Variants in ASB2 observed in about 807,000 individuals in gnomAD.
The protein encoded by ASB2 is ankyrin repeat and SOCS box containing 2.
In ASB2, 58 loss-of-function variants were observed where a neutral mutation model predicts 62.4. The observed-to-expected ratio is 0.93, with a 90% confidence interval of 0.75 to 1.16. The LOEUF is 1.16. ASB2 is among the 50% of genes most tolerant of loss of function. The pLI is 0.00. For synonymous variants in ASB2, 386 were observed against 385.3 expected, an observed-to-expected ratio of 1.00 and a Z score of -0.02; for missense variants, 928 against 887.9, an observed-to-expected ratio of 1.05 and a Z score of -0.57.
intron 1 of ASB2, among the ~76,000 whole-genome samples, chr14:93,968,005 G>A (rs991056893): frequency 3.9e-5 from 6 of 152,218 alleles, no homozygotes; most frequent in Non-Finnish European, 5.9e-5. Context: ...TAGGCAGCTT[G>A]TAAGGGGTAA....
At chr14:93,937,587 TG>T in intron 9 of ASB2, 110 bp downstream of exon 9, 1 of 1,126,442 alleles carries the variant, frequency 8.9e-7, no homozygotes, top group Non-Finnish European at 1.2e-6. Flanking sequence ...TTACAGAGCC[TG>T]GCAAGCAGCA....
rs750952101 is a variant in ASB2 at position 93,953,420 on chromosome 14, A to G, written c.566T>C (p.Leu189Pro). 9.3e-6 allele frequency: 15 copies of G among 1,608,832 alleles called. No individual in the cohort carries two copies. The Admixed American group carries it at 1.0e-4, about 11-fold the overall frequency. ...CTCTGCCCCTGCTTGGAGCAGTGAC[A>G]GGAGACAGTCCAGGTGGCCCCTGCA... ...ATCRGHLDCLLSLLQAGAEPD... is the reference protein window; with the variant it reads ...ATCRGHLDCLPSLLQAGAEPD... Residue 189 changes from leucine (L) to proline (P), a missense_variant, in exon 5 of 10, where the codon CTG becomes CCG. Leu to Pro is a moderately conservative substitution (Grantham distance 98, BLOSUM62 -3). Coordinates refer to ENST00000555019, the MANE Select transcript of ASB2 (RefSeq NM_001202429.2).
chr14:93,967,030 G>T (rs1330338108), intron 1 of ASB2, among the ~76,000 whole-genome samples: 3 of 152,208 alleles, frequency 2.0e-5, no homozygotes, highest in Non-Finnish European at 4.4e-5. Context: ...TGTGAAAGGA[G>T]CCCAGGACAG....
chr14:93,959,869 T>C (rs994785211), intron 2 of ASB2, among the ~76,000 whole-genome samples: 3 of 151,984 alleles, frequency 2.0e-5, no homozygotes, highest in Non-Finnish European at 4.4e-5. Flanking sequence ...CCTGGCTGAA[T>C]GCAGGGGGCA....
At chr14:93,960,218 G>A (rs1285849872) in intron 2 of ASB2, among the ~76,000 whole-genome samples, 4 of 152,218 alleles carry the variant, frequency 2.6e-5, no homozygotes. Flanking sequence ...ATCCTGCAAA[G>A]CCTACTTCCT....
intron 9 of ASB2, among the ~76,000 whole-genome samples, chr14:93,936,162 T>C (rs1437376508): frequency 6.6e-6 from 1 of 152,164 alleles, no homozygotes; most frequent in African/African-American, 2.4e-5. Flanking sequence ...GGCCAATCCA[T>C]GGGCTCTGGG....
Position 93,939,565 on chromosome 14 carries a change from G to GCC in ASB2, c.1158_1159dup (p.Ala387GlyfsTer4). 1 of 1,591,688 alleles carries GCC rather than the reference G, an allele frequency of 6.3e-7. No homozygotes were observed. The highest frequency in any genetic ancestry group is 8.5e-7 in the Non-Finnish European group (1 of 1,172,138). On this transcript the variant is annotated frameshift_variant, in exon 8 of 10. Transcript: ENST00000555019. LOFTEE classifies it high-confidence loss of function. ...CACGTCGAAGCGCGCGCTCAGCAGC[G>GCC]CCTCCAGCACCTCGTCGTGGTTGCG... is the stretch of plus-strand genomic sequence containing the variant.
chr14:93,971,766 C>T (rs990244807), intron 1 of ASB2, among the ~76,000 whole-genome samples: 2 of 151,878 alleles, frequency 1.3e-5, no homozygotes, highest in Non-Finnish European at 2.9e-5. Flanking sequence ...CTGAGGCACA[C>T]TAAGGGAAAA....
rs760670478 is a variant in ASB2 at position 93,951,241 on chromosome 14, C to T, written c.638G>A (p.Cys213Tyr). The T allele has an allele frequency of 1.3e-6, 2 of 1,593,996 alleles. No individual in the cohort carries two copies. Among genetic ancestry groups the T allele is most frequent in the Non-Finnish European group, 1.7e-6 (2 of 1,171,810 alleles). Residue 213 changes from cysteine to tyrosine, a missense_variant, in exon 6 of 10, where the codon TGC becomes TAC. By Grantham distance (194) the Cys-to-Tyr change is radical (BLOSUM62 -2). Transcript: ENST00000555019. ...KSRETPLYKA[C>Y]ERKNAEAVKI... is the part of the protein sequence containing the mutation. ...CACGGCCTCCGCGTTCTTGCGCTCG[C>T]AGGCTGTGCTCAGGGGGAAGCAGGG...
chr14:93,934,886 T>C lies in ASB2; in HGVS notation c.1772-94A>G. On this transcript the variant is annotated intron_variant, in intron 9 of 9. Coordinates refer to ENST00000555019, the MANE Select transcript of ASB2 (RefSeq NM_001202429.2). ...CCCCAGCCTATGGGAGGTGCCCAGCTGATGTGGCTGGGTAAGAGAGGGAGT... is the reference window on the plus strand; with the variant it reads ...CCCCAGCCTATGGGAGGTGCCCAGCCGATGTGGCTGGGTAAGAGAGGGAGT... 3.8e-6 allele frequency: 4 copies of C among 1,054,352 alleles called. No individual in the cohort carries two copies. The South Asian group carries it at 3.9e-5, about 10-fold the overall frequency. 65.3% of individuals were successfully genotyped at this position (1,054,352 alleles called of 1,614,324 possible). A position where few individuals can be genotyped will look rare whatever the true frequency, so the allele number is the denominator to read the frequency against.
At chr14:93,939,060 G>C in intron 8 of ASB2, 48 bp downstream of exon 8, 2 of 1,404,092 alleles carry the variant, frequency 1.4e-6, no homozygotes, top group Non-Finnish European at 1.8e-6. Context: ...CGCGTCCCTG[G>C]GCCACACCCA....
Position 93,939,025 on chromosome 14 carries a change from G to C in ASB2, c.1617+83C>G, listed in dbSNP as rs113126244. 3.7e-4 allele frequency: 462 copies of C among 1,253,066 alleles called. 1 individual carries two copies. The African/African-American group carries it at 6.5e-3, about 17-fold the overall frequency. The allele number at this position is 1,253,066 out of a possible 1,614,324, so 77.6% of individuals were successfully genotyped here. A position where few individuals can be genotyped will look rare whatever the true frequency, so the allele number is the denominator to read the frequency against. On this transcript the variant is annotated intron_variant, in intron 8 of 9. Coordinates refer to ENST00000555019, the MANE Select transcript of ASB2 (RefSeq NM_001202429.2). ...GCTCCCAAGGAGCGCGAACCACCCG[G>C]CCCCGCCCGCCTCCCATGCGCGCGC... is the stretch of plus-strand genomic sequence containing the variant.
At chr14:93,939,965 C>T in intron 7 of ASB2, 2 of 375,800 alleles carry the variant, frequency 5.3e-6, no homozygotes, top group Non-Finnish European at 9.4e-6. Context: ...GCTTCAGACC[C>T]AGAACCCTTG....
At chr14:93,947,752 G>A (rs570559934) in intron 6 of ASB2, among the ~76,000 whole-genome samples, 77 of 152,246 alleles carry the variant, frequency 5.1e-4, no homozygotes, top group African/African-American at 1.6e-3. Context: ...CCAGCACTTT[G>A]GGAGGCTGAG....
chr14:93,950,223 T>G (rs1035874535), intron 6 of ASB2, among the ~76,000 whole-genome samples: 1 of 152,212 alleles, frequency 6.6e-6, no homozygotes, highest in African/African-American at 2.4e-5. Context: ...AGCGTCTGGA[T>G]TACCTCTGGC....
At position 93,939,418 on chromosome 14, in the gene ASB2, T is replaced by TCGGCGCCGTGTTGCAGC; in HGVS notation, c.1290_1306dup (p.Asp436GlyfsTer57). ...GGGGCTGATGACGTCGCGGTTGGGG[T>TCGGCGCCGTGTTGCAGC]CGGCGCCGTGTTGCAGCAGCAGCTC... On this transcript the variant is annotated frameshift_variant, in exon 8 of 10. Transcript: ENST00000555019. LOFTEE classifies it high-confidence loss of function. 6.2e-7 allele frequency: 1 copy of TCGGCGCCGTGTTGCAGC among 1,612,460 alleles called. No individual in the cohort carries two copies. Among genetic ancestry groups the TCGGCGCCGTGTTGCAGC allele is most frequent in the South Asian group, 1.1e-5 (1 of 91,038 alleles).
rs1888198600 is a variant in ASB2, at chr14:93,934,498, C to T, written c.*158G>A. ...TCTCTGCTCTGGCCAAAGCTCTGGGCCCTGAGACCCAGTGAGATCCTGGTA... is the reference window on the plus strand; with the variant it reads ...TCTCTGCTCTGGCCAAAGCTCTGGGTCCTGAGACCCAGTGAGATCCTGGTA... On this transcript the variant is annotated 3_prime_UTR_variant, in exon 10 of 10. Transcript: ENST00000555019. 1 of 669,272 alleles carries T rather than the reference C, an allele frequency of 1.5e-6. No homozygotes were observed. Among genetic ancestry groups the T allele is most frequent in the South Asian group, 1.8e-5 (1 of 54,128 alleles). The allele number at this position is 669,272 out of a possible 1,614,324, so 41.5% of individuals were successfully genotyped here.
chr14:93,954,417 C>T lies in ASB2; in HGVS notation c.378G>A (p.Lys126=). ...GDEEALKTMI[K]EGKNLAEPNK... ...TGGGCTCTGCGAGATTCTTCCCTTC[C>T]TTGATCATGGTCTTCAAGGCCTCTT... Residue 126 remains lysine, a synonymous_variant, in exon 4 of 10, where the codon AAG becomes AAA. Coordinates refer to ENST00000555019, the MANE Select transcript of ASB2 (RefSeq NM_001202429.2). 6.2e-7 allele frequency: 1 copy of T among 1,614,196 alleles called. No individual in the cohort carries two copies. The highest frequency in any genetic ancestry group is 8.5e-7 in the Non-Finnish European group (1 of 1,179,996).
chr14:93,957,189 A>T, intron 2 of ASB2: 13 of 1,327,578 alleles, frequency 9.8e-6, no homozygotes, highest in Non-Finnish European at 1.2e-5. Context: ...AAGCAAGGTG[A>T]CATTCTTCAC....
Sources: gnomAD v4.1 joint callset for allele counts (sites outside exome capture counted in the v4.1 genomes callset) on GRCh38, gnomAD v4.1.1 for gene constraint, MANE v1.5 for transcripts, NCBI Gene and HGNC (gene_info 2026-07-23, HGNC 2026-07-21) for gene names.